The following CSMD1 variants were observed in gnomAD, a reference collection of about 807,000 sequenced individuals.
The protein encoded by CSMD1 is CUB and sushi domain-containing protein 1.
In CSMD1, 213 loss-of-function variants were observed where a neutral mutation model predicts 417.5. That is an observed-to-expected ratio of 0.51 (90% CI 0.46 to 0.57). CSMD1 has a LOEUF of 0.57. Among genes scored for constraint, CSMD1 ranks in the 20% least tolerant of loss-of-function variants. The probability of loss-of-function intolerance (pLI) is 0.00; values close to 1 mark genes in which losing one functional copy is unlikely to be tolerated. For missense variants in CSMD1, 6,923 were observed against 4,529.7 expected (o/e 1.53, Z -15.17); for synonymous variants, 2,862 against 1,736.8 (o/e 1.65, Z -16.11).
chr8:4,782,891 T>C (rs979492943), intron 1 of CSMD1, among the ~76,000 whole-genome samples: 1 of 151,944 alleles, frequency 6.6e-6, no homozygotes, highest in Middle Eastern at 3.2e-3. Flanking sequence ...GTACATGTTT[T>C]TTGGAGGCAG....
intron 3 of CSMD1, among the ~76,000 whole-genome samples, chr8:4,051,632 T>C (rs955275620): frequency 2.0e-5 from 3 of 152,144 alleles, no homozygotes; most frequent in Non-Finnish European, 2.9e-5. Context: ...TGTGGGGCCC[T>C]AGAAAACTAT....
chr8:3,941,394 A>T (rs570316929), intron 5 of CSMD1, among the ~76,000 whole-genome samples: 1 of 152,250 alleles, frequency 6.6e-6, no homozygotes, highest in Admixed American at 6.5e-5. Context: ...TTGATTTCTC[A>T]AAAGTTTAAA....
chr8:4,615,901 A>G (rs1344728829), intron 2 of CSMD1, among the ~76,000 whole-genome samples: 3 of 152,186 alleles, frequency 2.0e-5, no homozygotes, highest in African/African-American at 4.8e-5. Context: ...TTCATAGCCC[A>G]TAACTATTTG....
intron 5 of CSMD1, among the ~76,000 whole-genome samples, chr8:3,927,882 T>C (rs1040371195): frequency 2.6e-5 from 4 of 152,206 alleles, no homozygotes; most frequent in Admixed American, 2.6e-4. Context: ...ATTCTTAATA[T>C]GAGAGTCGAA....
intron 2 of CSMD1, among the ~76,000 whole-genome samples, chr8:4,593,279 A>C (rs1263531551): frequency 6.6e-6 from 1 of 152,184 alleles, no homozygotes; most frequent in African/African-American, 2.4e-5. Flanking sequence ...TGATTTCCCC[A>C]TTTGTTCCCT....
intron 1 of CSMD1, among the ~76,000 whole-genome samples, chr8:4,884,764 T>G (rs1313061745): frequency 6.6e-6 from 1 of 152,082 alleles, no homozygotes; most frequent in Non-Finnish European, 1.5e-5. Flanking sequence ...TCTGTCTTAT[T>G]GCGGTAGCTT....
chr8:3,846,176 G>GT (rs1444529766), intron 5 of CSMD1, among the ~76,000 whole-genome samples: 1 of 152,158 alleles, frequency 6.6e-6, no homozygotes, highest in Non-Finnish European at 1.5e-5. Flanking sequence ...GTACATAAGT[G>GT]TATGTGCTAG....
chr8:3,438,026 T>C lies in CSMD1; in HGVS notation c.1562-28421A>G, dbSNP rs374727680. On this transcript the variant is annotated intron_variant, in intron 12 of 69. Coordinates refer to ENST00000635120, the MANE Select transcript of CSMD1 (RefSeq NM_033225.6). ...AAAGTACTGATACCTATTTCTAAAA[T>C]AGAGGTTTTTGTACAAATAAGAATT... Among the ~76,000 whole-genome samples, 117 of 152,240 alleles carry C rather than the reference T, an allele frequency of 7.7e-4. No individual in the cohort carries two copies. In the South Asian group the frequency reaches 0.015, roughly 19 times the overall value.
At position 3,435,765 on chromosome 8, in the gene CSMD1, C is replaced by G. The variant is rs544644556; in HGVS notation, c.1562-26160G>C. Among the ~76,000 whole-genome samples, 5 of 152,280 alleles carry G rather than the reference C, an allele frequency of 3.3e-5. No homozygotes were observed. The East Asian group carries it at 5.8e-4, about 18-fold the overall frequency. ...AGGTTCTTCCTCGAACAATGTGTGT[C>G]AGGTCAGGCAACTGCCCTGCACAAA... On this transcript the variant is annotated intron_variant, in intron 12 of 69. Coordinates refer to ENST00000635120, the MANE Select transcript of CSMD1 (RefSeq NM_033225.6).
At chr8:4,390,705 G>A (rs1035403703) in intron 3 of CSMD1, among the ~76,000 whole-genome samples, 15 of 151,564 alleles carry the variant, frequency 9.9e-5, no homozygotes, top group Admixed American at 5.3e-4. Context: ...AGTAGAGACG[G>A]GGTTTCACCA....
At chr8:3,344,735 A>G (rs1807878006) in intron 22 of CSMD1, among the ~76,000 whole-genome samples, 1 of 152,090 alleles carries the variant, frequency 6.6e-6, no homozygotes, top group African/African-American at 2.4e-5. Context: ...TTTTTCTTTC[A>G]TTGTCTTTCA....
chr8:4,194,259 A>C (rs1372737085), intron 3 of CSMD1, among the ~76,000 whole-genome samples: 1 of 152,176 alleles, frequency 6.6e-6, no homozygotes, highest in African/African-American at 2.4e-5. Context: ...TGAGGAGTGA[A>C]TTTAGAAATT....
At chr8:3,120,863 T>G (rs981016417) in intron 41 of CSMD1, among the ~76,000 whole-genome samples, 5 of 151,948 alleles carry the variant, frequency 3.3e-5, no homozygotes, top group African/African-American at 1.2e-4. Context: ...TAAATAACAA[T>G]ATGCAATGCT....
chr8:4,868,785 T>TC (rs1554506478), intron 1 of CSMD1, among the ~76,000 whole-genome samples: 2 of 149,928 alleles, frequency 1.3e-5, no homozygotes, highest in African/African-American at 4.9e-5. Flanking sequence ...GTAAAAATTG[T>TC]AAAAAAAAAG....
intron 1 of CSMD1, among the ~76,000 whole-genome samples, chr8:4,825,655 G>A (rs756376540): frequency 6.6e-6 from 1 of 151,874 alleles, no homozygotes; most frequent in Non-Finnish European, 1.5e-5. Flanking sequence ...CTTCTGCACA[G>A]CAAAGAAAAC....
intron 10 of CSMD1, among the ~76,000 whole-genome samples, chr8:3,557,587 A>C (rs894646619): frequency 1.3e-5 from 2 of 152,218 alleles, no homozygotes; most frequent in Non-Finnish European, 2.9e-5. Context: ...AATTGGCCCC[A>C]ACAGCCTCTC....
At chr8:3,093,868 G>T (rs1029580410) in intron 47 of CSMD1, among the ~76,000 whole-genome samples, 18 of 152,148 alleles carry the variant, frequency 1.2e-4, no homozygotes, top group African/African-American at 4.1e-4. Context: ...TATGAAAAAT[G>T]TCATGGCTAA....
intron 25 of CSMD1, among the ~76,000 whole-genome samples, chr8:3,284,856 T>A (rs954374319): frequency 6.6e-6 from 1 of 152,218 alleles, no homozygotes. Flanking sequence ...GTTGTACTTC[T>A]TTCTAAAAAT....
intron 23 of CSMD1, among the ~76,000 whole-genome samples, chr8:3,334,767 G>A (rs1398410220): frequency 1.3e-5 from 2 of 152,212 alleles, no homozygotes; most frequent in African/African-American, 2.4e-5. Context: ...TGAATTTGCA[G>A]AGTAAGTAGA....
Sources: gnomAD v4.1 joint callset for allele counts (sites outside exome capture counted in the v4.1 genomes callset) on GRCh38, gnomAD v4.1.1 for gene constraint, MANE v1.5 for transcripts, NCBI Gene and HGNC (gene_info 2026-07-23, HGNC 2026-07-21) for gene names.